Variants in ATP23 observed in about 807,000 individuals in gnomAD.
The protein encoded by ATP23 is mitochondrial inner membrane protease ATP23 homolog.
A neutral mutation model predicts 28.5 loss-of-function variants in ATP23; 24 were observed. The observed-to-expected ratio is 0.84, with a 90% CI of 0.61 to 1.18. The LOEUF is 1.18. Ranked by LOEUF, ATP23 falls within the 50% of genes most tolerant of loss-of-function variation. The pLI is 0.00. For missense variants in ATP23, 274 were observed against 306.4 expected, an observed-to-expected ratio of 0.89 and a Z score of 0.79; for synonymous variants, 99 against 108.6, an observed-to-expected ratio of 0.91 and a Z score of 0.55.
At chr12:57,944,530 C>T (rs2140527505) in intron 1 of ATP23, among the ~76,000 whole-genome samples, 1 of 152,356 alleles carries the variant, frequency 6.6e-6, no homozygotes, top group East Asian at 1.9e-4. Flanking sequence ...ACAGGGAAAC[C>T]TCTGTGCTAT....
At chr12:57,943,245 T>C (rs1446738150) in intron 1 of ATP23, among the ~76,000 whole-genome samples, 2 of 152,134 alleles carry the variant, frequency 1.3e-5, no homozygotes, top group Non-Finnish European at 2.9e-5. Context: ...GGAAAGAGTA[T>C]GGGTTGCAGA....
intron 5 of ATP23, among the ~76,000 whole-genome samples, chr12:57,954,966 T>A (rs1956851626): frequency 6.6e-6 from 1 of 151,930 alleles, no homozygotes; most frequent in Non-Finnish European, 1.5e-5. Flanking sequence ...CTTAGTGATA[T>A]GCCAGTGACT....
At position 57,949,741 on chromosome 12, in the gene ATP23, C is replaced by T. The variant is rs529502543; in HGVS notation, c.316-2017C>T. 6 of 152,436 alleles carry T rather than the reference C, an allele frequency of 3.9e-5. No homozygotes were observed. The East Asian group carries it at 9.6e-4, about 25-fold the overall frequency. 9.4% of individuals were successfully genotyped at this position (152,436 alleles called of 1,614,324 possible). ...AACTCCTGGCCTCAAATGATCCTTC[C>T]ATTTCAGCCTCCCAAAGTGCTGGGA... On this transcript the variant is annotated intron_variant, in intron 3 of 5. Coordinates refer to ENST00000300145, the MANE Select transcript of ATP23 (RefSeq NM_033276.4).
chr12:57,943,552 ATGCC>A (rs1277781131), intron 1 of ATP23, among the ~76,000 whole-genome samples: 1 of 152,048 alleles, frequency 6.6e-6, no homozygotes, highest in African/African-American at 2.4e-5. Flanking sequence ...GTGGTGGCTC[ATGCC>A]TGCAGTCCCA....
At chr12:57,946,751 T>G (rs56964775) in intron 2 of ATP23, among the ~76,000 whole-genome samples, 19,528 of 151,980 alleles carry the variant, frequency 0.13, 2,166 homozygotes, top group African/African-American at 0.3. Flanking sequence ...CCACCGCGCC[T>G]GGGGGACAAA....
chr12:57,949,246 G>C (rs1018679476), intron 3 of ATP23, among the ~76,000 whole-genome samples: 1 of 152,088 alleles, frequency 6.6e-6, no homozygotes, highest in African/African-American at 2.4e-5. Flanking sequence ...CACTTTCTTT[G>C]GTTTCTAGTA....
chr12:57,943,109 G>T (rs991765727), intron 1 of ATP23, among the ~76,000 whole-genome samples: 3 of 152,160 alleles, frequency 2.0e-5, no homozygotes, highest in African/African-American at 7.2e-5. Context: ...GAGGGTAAAA[G>T]GGGAGAGAAT....
chr12:57,947,248 C>T (rs748825615), intron 3 of ATP23, among the ~76,000 whole-genome samples, 172 bp downstream of exon 3: 5 of 152,148 alleles, frequency 3.3e-5, no homozygotes, highest in Non-Finnish European at 4.4e-5. Flanking sequence ...AAGGAGTTTA[C>T]AGCCTTACAG....
At chr12:57,953,739 A>G (rs1378101150) in intron 5 of ATP23, 50 bp downstream of exon 5, 2 of 1,455,946 alleles carry the variant, frequency 1.4e-6, no homozygotes, top group South Asian at 2.3e-5. Context: ...ACGAGTGGAA[A>G]TAATGAATAA....
In ATP23 at chr12:57,945,688, T is replaced by C; in HGVS notation, c.233+15T>C. The C allele has an allele frequency of 2.5e-6, 4 of 1,613,290 alleles. No individual in the cohort carries two copies. The highest frequency in any genetic ancestry group is 3.4e-6 in the Non-Finnish European group (4 of 1,179,400). ...CACTCAGGTTGGTAAGTAACTCTTT[T>C]TGAAGTGCTGCTCTGAGGTCTGGCT... On this transcript the variant is annotated intron_variant, in intron 2 of 5. Transcript: ENST00000300145.
intron 1 of ATP23, among the ~76,000 whole-genome samples, chr12:57,942,474 G>A (rs1340077545): frequency 3.3e-5 from 5 of 151,534 alleles, no homozygotes; most frequent in African/African-American, 9.7e-5. Flanking sequence ...CCCAGGCTGG[G>A]GTGCAGTGGC....
intron 5 of ATP23, among the ~76,000 whole-genome samples, chr12:57,953,901 G>A (rs945675807): frequency 6.6e-6 from 1 of 152,112 alleles, no homozygotes; most frequent in Non-Finnish European, 1.5e-5. Flanking sequence ...GTGTGAGATA[G>A]TCTAATAATG....
intron 5 of ATP23, among the ~76,000 whole-genome samples, chr12:57,955,931 G>A (rs1183382288): frequency 6.6e-6 from 1 of 152,166 alleles, no homozygotes; most frequent in African/African-American, 2.4e-5. Context: ...TTTAGGAAAA[G>A]GTCAAATGCC....
rs970423682 is a variant in ATP23, at chr12:57,958,019, A to G, written c.*1129A>G. 6.6e-6 allele frequency among the ~76,000 whole-genome samples: 1 copy of G among 152,130 alleles called. No homozygotes were observed. The highest frequency in any genetic ancestry group is 1.5e-5 in the Non-Finnish European group (1 of 68,004). On this transcript the variant is annotated 3_prime_UTR_variant, in exon 6 of 6. Transcript: ENST00000300145. ...CAAGCCTGTCTCACCCACCACCTGGAAGCAGACTTGGGGCTGTGGTGGGGG... is the reference window on the plus strand; with the variant it reads ...CAAGCCTGTCTCACCCACCACCTGGGAGCAGACTTGGGGCTGTGGTGGGGG...
intron 4 of ATP23, 128 bp downstream of exon 4, chr12:57,952,023 C>A: frequency 8.4e-7 from 1 of 1,194,146 alleles, no homozygotes; most frequent in Non-Finnish European, 1.2e-6. Flanking sequence ...CGGTTTATAA[C>A]TAACATTGAA....
chr12:57,943,561 G>A (rs1325297948), intron 1 of ATP23, among the ~76,000 whole-genome samples: 1 of 151,956 alleles, frequency 6.6e-6, no homozygotes, highest in Non-Finnish European at 1.5e-5. Flanking sequence ...CATGCCTGCA[G>A]TCCCAACTAT....
intron 3 of ATP23, among the ~76,000 whole-genome samples, chr12:57,948,403 C>G (rs1372226392): frequency 6.6e-6 from 1 of 152,126 alleles, no homozygotes; most frequent in African/African-American, 2.4e-5. Context: ...CTGCCTCAGC[C>G]TCCTGAGTAG....
chr12:57,958,683 G>T lies in ATP23; in HGVS notation c.*1793G>T, dbSNP rs1956891199. ...CAGGAAGCCACATCCATCGGAAAAGGGGGAGGGTATACATCAAGGGAACAC... is the reference window on the plus strand; with the variant it reads ...CAGGAAGCCACATCCATCGGAAAAGTGGGAGGGTATACATCAAGGGAACAC... On this transcript the variant is annotated 3_prime_UTR_variant, in exon 6 of 6. Transcript: ENST00000300145. Among the ~76,000 whole-genome samples, 1 of 152,220 alleles carries T rather than the reference G, an allele frequency of 6.6e-6. No individual in the cohort carries two copies. Among genetic ancestry groups the T allele is most frequent in the African/African-American group, 2.4e-5 (1 of 41,468 alleles).
At chr12:57,944,616 A>G (rs1197286950) in intron 1 of ATP23, among the ~76,000 whole-genome samples, 3 of 152,184 alleles carry the variant, frequency 2.0e-5, no homozygotes, top group Non-Finnish European at 4.4e-5. Flanking sequence ...TCTACTGTCT[A>G]TTGTTTCACC....
Sources: allele counts gnomAD v4.1 joint callset (sites outside exome capture counted in the v4.1 genomes callset), GRCh38; gene constraint gnomAD v4.1.1; transcripts MANE v1.5; gene names NCBI Gene and HGNC (gene_info 2026-07-23, HGNC 2026-07-21).